SMARCA2: variants seen among roughly 807,000 people sequenced by gnomAD.
The protein encoded by SMARCA2 is SWI/SNF related BAF chromatin remodeling complex subunit ATPase 2, also known as SWI/SNF-related matrix-associated actin-dependent regulator of chromatin subfamily A member 2.
Under a neutral mutation model 199.8 loss-of-function variants are expected in SMARCA2, and 61 were observed. The ratio of observed to expected loss-of-function variants is 0.31; its 90% CI spans 0.25 to 0.38. The LOEUF is 0.38. Ranked by LOEUF, SMARCA2 falls within the 10% of genes least tolerant of loss-of-function variation. SMARCA2 has a pLI of 1.00. For synonymous variants in SMARCA2, 935 were observed against 732.0 expected (o/e 1.28, Z -4.48); for missense variants, 1,344 against 2,012.2 (o/e 0.67, Z 6.35).
At chr9:2,121,218 T>C (rs1457198938) in intron 26 of SMARCA2, among the ~76,000 whole-genome samples, 1 of 152,196 alleles carries the variant, frequency 6.6e-6, no homozygotes, top group Non-Finnish European at 1.5e-5. Flanking sequence ...TTTGTAGAAA[T>C]TGAAAACCTC....
chr9:2,155,390 C>T (rs925375645), intron 27 of SMARCA2, among the ~76,000 whole-genome samples: 2 of 152,096 alleles, frequency 1.3e-5, no homozygotes, highest in Non-Finnish European at 2.9e-5. Flanking sequence ...TCAAGCGATT[C>T]TCCTGCCTCA....
chr9:2,127,015 CA>C (rs1372655818), intron 27 of SMARCA2, among the ~76,000 whole-genome samples: 3 of 152,178 alleles, frequency 2.0e-5, no homozygotes, highest in South Asian at 2.1e-4. Context: ...AAAATGTTTG[CA>C]AACTCATGTT....
chr9:2,088,215 A>G (rs1376776038), intron 18 of SMARCA2, among the ~76,000 whole-genome samples: 1 of 152,194 alleles, frequency 6.6e-6, no homozygotes, highest in Non-Finnish European at 1.5e-5. Context: ...CATATCCCAT[A>G]CAATTTGAGG....
At position 2,035,008 on chromosome 9, in the gene SMARCA2, CTTTATTTATTTATTTATTTA is replaced by C. The variant is rs3057853; in HGVS notation, c.355+1953_355+1972del. Reference sequence around the variant, plus strand: ...GTATGTTCATGGAGCTAATATAAGCCTTTATTTATTTATTTATTTATTTATTTATTTATTTATTTATTTAT... The same window carrying C: ...GTATGTTCATGGAGCTAATATAAGCCTTTATTTATTTATTTATTTATTTAT... On this transcript the variant is annotated intron_variant, in intron 3 of 33. Coordinates refer to ENST00000349721, the MANE Select transcript of SMARCA2 (RefSeq NM_003070.5). 2.1e-3 allele frequency among the ~76,000 whole-genome samples: 300 copies of C among 143,104 alleles called. 6 individuals carry two copies. Among genetic ancestry groups the C allele is most frequent in the Admixed American group, 0.02 (287 of 14,444 alleles). 93.9% of individuals were successfully genotyped at this position (143,104 alleles called of 152,430 possible). A position where few individuals can be genotyped will look rare whatever the true frequency, so the allele number is the denominator to read the frequency against.
At chr9:2,061,116 G>A in intron 9 of SMARCA2, 130 bp downstream of exon 9, 2 of 859,660 alleles carry the variant, frequency 2.3e-6, no homozygotes, top group East Asian at 2.7e-5. Context: ...TGTGAAAATT[G>A]CATAAATGGG....
rs567957983 is a variant in SMARCA2 at position 2,176,692 on chromosome 9, A to C, written c.4254-4879A>C. Among the ~76,000 whole-genome samples the C allele has an allele frequency of 2.4e-4, 36 of 150,558 alleles. 1 individual carries two copies. The highest frequency in any genetic ancestry group is 2.0e-3 in the Admixed American group (30 of 15,100). On this transcript the variant is annotated intron_variant, in intron 29 of 33. Transcript: ENST00000349721. The stretch of plus-strand genomic sequence containing the variant: ...TCAGCCTCCCAAGTAGCTTGGGACT[A>C]CAGGCACATGCCACCACGCCTGGCT...
chr9:2,189,493 C>T (rs1204887084), intron 32 of SMARCA2, among the ~76,000 whole-genome samples: 1 of 152,124 alleles, frequency 6.6e-6, no homozygotes, highest in Non-Finnish European at 1.5e-5. Context: ...AGAGCCCACA[C>T]CTGTATAAAT....
chr9:2,036,653 T>G (rs1031902278), intron 3 of SMARCA2, among the ~76,000 whole-genome samples: 1 of 152,212 alleles, frequency 6.6e-6, no homozygotes, highest in African/African-American at 2.4e-5. Flanking sequence ...CTTCTCACTT[T>G]CATTTTCTTC....
rs183308873 is a variant in SMARCA2, at chr9:2,169,252, C to T, written c.4200-1167C>T. Among the ~76,000 whole-genome samples, 3 of 152,184 alleles carry T rather than the reference C, an allele frequency of 2.0e-5. No individual in the cohort carries two copies. Among genetic ancestry groups the T allele is most frequent in the Non-Finnish European group, 4.4e-5 (3 of 68,026 alleles). On this transcript the variant is annotated intron_variant, in intron 28 of 33. Coordinates refer to ENST00000349721, the MANE Select transcript of SMARCA2 (RefSeq NM_003070.5). This position sits in a 1 kb window ranked among gnomAD's most constrained non-coding sequence, Gnocchi z 6.5. ...GCAGGGTGGACTGCGTGCCCTGCCT[C>T]CAGTCTCTTCCTGTCCTGGCTTCTT...
At chr9:2,047,547 G>A (rs942381238) in intron 5 of SMARCA2, 63 bp downstream of exon 5, 22 of 1,238,180 alleles carry the variant, frequency 1.8e-5, no homozygotes, top group Admixed American at 3.9e-5. Context: ...CCAAGCCGAG[G>A]GGGGTGAGGC....
Position 2,096,654 on chromosome 9 carries a change from C to T in SMARCA2, c.2884-3C>T. The T allele has an allele frequency of 1.2e-6, 2 of 1,603,626 alleles. No homozygotes were observed. Among genetic ancestry groups the T allele is most frequent in the Non-Finnish European group, 1.7e-6 (2 of 1,170,494 alleles). The stretch of plus-strand genomic sequence containing the variant: ...TGCCTACTTACTGTTCTCTTTTCTG[C>T]AGGTGGAATATGTGATCAAGTGTGA... On this transcript the variant is annotated splice_polypyrimidine_tract_variant and splice_region_variant and intron_variant, in intron 19 of 33. Transcript: ENST00000349721.
chr9:2,043,616 G>C (rs1229867556), intron 4 of SMARCA2: 2 of 152,140 alleles, frequency 1.3e-5, no homozygotes, highest in African/African-American at 2.4e-5. Flanking sequence ...TTTCCAACCT[G>C]TGGAAACCCC....
At chr9:2,089,780 T>A (rs1586693874) in intron 19 of SMARCA2, among the ~76,000 whole-genome samples, 1 of 152,314 alleles carries the variant, frequency 6.6e-6, no homozygotes, top group Non-Finnish European at 1.5e-5. Flanking sequence ...AGTAGATAAA[T>A]TGATGAATGG....
At position 2,169,347 on chromosome 9, in the gene SMARCA2, C is replaced by G. The variant is rs188754151; in HGVS notation, c.4200-1072C>G. Among the ~76,000 whole-genome samples, 1 of 152,184 alleles carries G rather than the reference C, an allele frequency of 6.6e-6. No homozygotes were observed. The highest frequency in any genetic ancestry group is 1.9e-4 in the East Asian group (1 of 5,196). On this transcript the variant is annotated intron_variant, in intron 28 of 33. Transcript: ENST00000349721. This position sits in a 1 kb window ranked among gnomAD's most constrained non-coding sequence, Gnocchi z 6.5. ...CTTCACAGCGGCCCCGTTGCCTACC[C>G]GATGATGACCAGACTTCTTAGCGTA...
chr9:2,031,801 T>C (rs537108287), intron 2 of SMARCA2, among the ~76,000 whole-genome samples: 1 of 152,344 alleles, frequency 6.6e-6, no homozygotes, highest in East Asian at 1.9e-4. Flanking sequence ...GCTGACCAGA[T>C]GCCTTCACTT....
intron 15 of SMARCA2, among the ~76,000 whole-genome samples, chr9:2,082,231 C>T (rs892492741): frequency 2.0e-5 from 3 of 151,724 alleles, no homozygotes; most frequent in African/African-American, 4.8e-5. Context: ...ATCAGCATTA[C>T]AGGTCTGCAC....
chr9:2,084,257 T>C lies in SMARCA2; in HGVS notation c.2526+61T>C, dbSNP rs990713342. 5 of 865,692 alleles carry C rather than the reference T, an allele frequency of 5.8e-6. 1 individual carries two copies. Among genetic ancestry groups the C allele is most frequent in the Middle Eastern group, 4.6e-4 (2 of 4,348 alleles). 53.6% of individuals were successfully genotyped at this position (865,692 alleles called of 1,614,324 possible). A position where few individuals can be genotyped will look rare whatever the true frequency, so the allele number is the denominator to read the frequency against. On this transcript the variant is annotated intron_variant, in intron 17 of 33. Coordinates refer to ENST00000349721, the MANE Select transcript of SMARCA2 (RefSeq NM_003070.5). ...GACCATTGCACTGGAATGTGAAGTA[T>C]TGCCCAAGTCAGTAGTGTAATTGGA...
At chr9:2,028,828 C>T (rs893554826) in intron 1 of SMARCA2, among the ~76,000 whole-genome samples, 159 bp from the exon 2 acceptor site, 14 of 152,212 alleles carry the variant, frequency 9.2e-5, no homozygotes, top group Admixed American at 4.6e-4. Flanking sequence ...CTAGGGCAGA[C>T]GGATGTATAT....
intron 1 of SMARCA2, among the ~76,000 whole-genome samples, chr9:2,021,649 G>T (rs986229546): frequency 6.6e-6 from 1 of 152,162 alleles, no homozygotes; most frequent in Non-Finnish European, 1.5e-5. Context: ...TTTGTGGCTT[G>T]CTGTTGTGCT....
Sources: gnomAD v4.1 joint callset for allele counts (sites outside exome capture counted in the v4.1 genomes callset) on GRCh38, gnomAD v4.1.1 for gene constraint, Gnocchi (gnomAD v3.1) non-coding constraint, MANE v1.5 for transcripts, NCBI Gene and HGNC (gene_info 2026-07-23, HGNC 2026-07-21) for gene names.